The following XKR7 variants were observed in gnomAD, a reference collection of about 807,000 sequenced individuals.
XKR7 encodes the protein XK-related protein 7.
A neutral mutation model predicts 42.2 loss-of-function variants in XKR7; 11 were observed. The observed-to-expected ratio is 0.26, with a 90% CI of 0.16 to 0.43. XKR7 has a LOEUF of 0.43. Ranked by LOEUF, XKR7 falls within the 20% of genes least tolerant of loss-of-function variation. XKR7 has a pLI of 1.00. For synonymous variants in XKR7, 346 were observed against 366.4 expected, an observed-to-expected ratio of 0.94 and a Z score of 0.64; for missense variants, 710 against 802.2, an observed-to-expected ratio of 0.89 and a Z score of 1.39.
chr20:31,996,701 T>C lies in XKR7; in HGVS notation c.984T>C (p.Phe328=). The C allele has an allele frequency of 6.2e-7, 1 of 1,611,934 alleles. No homozygotes were observed. The highest frequency in any genetic ancestry group is 1.1e-5 in the South Asian group (1 of 90,796). The change falls in exon 3 of 3, where the codon TTT becomes TTC. Residue 328 remains phenylalanine, a synonymous_variant. Transcript: ENST00000562532. ...TCGCCAGCGTCTACAAGCTCTATTT[T>C]GGCATCTTCATCGTGGCCCACTGGT... is the stretch of plus-strand genomic sequence containing the variant. ...ALFASVYKLY[F]GIFIVAHWCV... is the part of the protein sequence containing the mutation.
At chr20:31,980,891 A>C (rs2064508920) in intron 1 of XKR7, among the ~76,000 whole-genome samples, 1 of 151,550 alleles carries the variant, frequency 6.6e-6, no homozygotes, top group African/African-American at 2.4e-5. Context: ...GAGAGACCTT[A>C]TCTCTACTAA....
At chr20:31,993,458 G>A (rs747597058) in intron 1 of XKR7, among the ~76,000 whole-genome samples, 4 of 152,176 alleles carry the variant, frequency 2.6e-5, no homozygotes, top group Non-Finnish European at 4.4e-5. Flanking sequence ...AGAGGGTCTT[G>A]CTCAAGATCA....
At position 32,003,291 on chromosome 20, in the gene XKR7, G is replaced by A. The variant is rs1409428972; in HGVS notation, c.*5834G>A. The A allele has an allele frequency of 6.6e-6, 1 of 152,166 alleles. No homozygotes were observed. The allele number at this position is 152,166 out of a possible 1,614,324, so 9.4% of individuals were successfully genotyped here. On this transcript the variant is annotated 3_prime_UTR_variant, in exon 3 of 3. Transcript: ENST00000562532. ...GGGAGGGGGAGGGGGCCCCGAGCTG[G>A]GGCCTCTTTACTGAGACTCTTTTGT...
Position 31,968,222 on chromosome 20 carries a change from C to G in XKR7, c.47C>G (p.Pro16Arg), listed in dbSNP as rs899205877. The G allele has an allele frequency of 1.7e-6, 2 of 1,160,114 alleles. No individual in the cohort carries two copies. Among genetic ancestry groups the G allele is most frequent in the African/African-American group, 1.6e-5 (1 of 61,670 alleles). 71.9% of individuals were successfully genotyped at this position (1,160,114 alleles called of 1,614,324 possible). A position where few individuals can be genotyped will look rare whatever the true frequency, so the allele number is the denominator to read the frequency against. Residue 16 changes from proline (P) to arginine (R), a missense_variant, in exon 1 of 3, where the codon CCG becomes CGG. Transcript: ENST00000562532. The surrounding 1 kb of genome is among the most constrained non-coding windows in gnomAD (Gnocchi z 4.5). Reference sequence around the variant, plus strand: ...GCGGCGGCCTCGGCCAGCCCGGACCCGGAGGGGGCTGCCGGTGGAGCCCGG... The same window carrying G: ...GCGGCGGCCTCGGCCAGCCCGGACCGGGAGGGGGCTGCCGGTGGAGCCCGG... ...DGAAASASPD[P>R]EGAAGGARGS...
chr20:31,982,729 T>G (rs1015394686), intron 1 of XKR7, among the ~76,000 whole-genome samples: 9 of 152,198 alleles, frequency 5.9e-5, no homozygotes, highest in African/African-American at 2.2e-4. Flanking sequence ...ATACTTGCCC[T>G]GTGAACCTGT....
Position 31,997,567 on chromosome 20 carries a change from T to C in XKR7, c.*110T>C. 1 of 1,085,372 alleles carries C rather than the reference T, an allele frequency of 9.2e-7. No homozygotes were observed. The highest frequency in any genetic ancestry group is 1.3e-6 in the Non-Finnish European group (1 of 775,018). 67.2% of individuals were successfully genotyped at this position (1,085,372 alleles called of 1,614,324 possible). A position where few individuals can be genotyped will look rare whatever the true frequency, so the allele number is the denominator to read the frequency against. ...GGCTAAGGGGGAGTGGATCTGTTGG[T>C]CCAAGGGTAGAGTGGCCCCACTCTT... On this transcript the variant is annotated 3_prime_UTR_variant, in exon 3 of 3. Transcript: ENST00000562532.
intron 1 of XKR7, among the ~76,000 whole-genome samples, chr20:31,972,914 T>C (rs778853178): frequency 1.6e-4 from 25 of 152,200 alleles, no homozygotes; most frequent in Non-Finnish European, 4.4e-5. Context: ...GGAAACTACA[T>C]TCTTGGCATA....
chr20:31,996,546 C>A lies in XKR7; in HGVS notation c.829C>A (p.Leu277Met). Residue 277 changes from leucine (L) to methionine (M), a missense_variant, in exon 3 of 3, where the codon CTG becomes ATG. Physicochemically the swap from Leu to Met is conservative, Grantham distance 15. This residue lies in a region of XKR7 where 708 missense variants were observed against 786.2 expected (regional missense o/e 0.90). Transcript: ENST00000562532. ...CTCCCTCGTGTCTCTGGCCTGGACG[C>A]TGGCCTCCTACCAGAAGGTGCTGCG... ...SASLVSLAWT[L>M]ASYQKVLRDS... The A allele has an allele frequency of 6.6e-7, 1 of 1,512,016 alleles. No homozygotes were observed. The allele number at this position is 1,512,016 out of a possible 1,614,324, so 93.7% of individuals were successfully genotyped here. A position where few individuals can be genotyped will look rare whatever the true frequency, so the allele number is the denominator to read the frequency against.
chr20:31,971,988 T>C (rs1033350004), intron 1 of XKR7, among the ~76,000 whole-genome samples: 3 of 152,240 alleles, frequency 2.0e-5, no homozygotes, highest in Non-Finnish European at 4.4e-5. Flanking sequence ...ATTAAAATGT[T>C]TAAAAATAGT....
intron 1 of XKR7, among the ~76,000 whole-genome samples, chr20:31,991,960 A>G (rs1294783236): frequency 2.6e-5 from 4 of 152,310 alleles, no homozygotes; most frequent in East Asian, 1.9e-4. Flanking sequence ...TCTACTAAAA[A>G]TACAAAATTA....
intron 1 of XKR7, among the ~76,000 whole-genome samples, chr20:31,988,576 A>G (rs1357480063): frequency 6.6e-6 from 1 of 152,160 alleles, no homozygotes; most frequent in African/African-American, 2.4e-5. Flanking sequence ...CTCTGAGCAC[A>G]AGACTGGGGG....
intron 1 of XKR7, among the ~76,000 whole-genome samples, chr20:31,994,669 G>A (rs2064582988): frequency 6.6e-6 from 1 of 152,166 alleles, no homozygotes; most frequent in Non-Finnish European, 1.5e-5. Context: ...TCGCACCACT[G>A]CACTCCAGCC....
At chr20:31,980,028 G>A (rs2064504339) in intron 1 of XKR7, among the ~76,000 whole-genome samples, 1 of 151,698 alleles carries the variant, frequency 6.6e-6, no homozygotes, top group Non-Finnish European at 1.5e-5. Flanking sequence ...GCAAAAGAGG[G>A]ACGCTGGCTG....
chr20:31,969,663 C>T (rs1414924602), intron 1 of XKR7, among the ~76,000 whole-genome samples: 1 of 152,182 alleles, frequency 6.6e-6, no homozygotes, highest in Non-Finnish European at 1.5e-5. Flanking sequence ...GGCAAGCCGC[C>T]CTCCTCCTTC....
rs746545706 is a variant in XKR7 at position 31,968,518 on chromosome 20, G to T, written c.343G>T (p.Asp115Tyr). The change falls in exon 1 of 3, where the codon GAC (aspartate) becomes TAC (tyrosine). Residue 115 changes from aspartate (D) to tyrosine (Y), a missense_variant. By Grantham distance (160) the Asp-to-Tyr change is radical. Transcript: ENST00000562532. This position sits in a 1 kb window ranked among gnomAD's most constrained non-coding sequence, Gnocchi z 4.5. ...ACTGAGCTTCCGCTGGTTCGTCTAC[G>T]ACTACTCGGAGCCCGCAGGGTCCCC... is the stretch of plus-strand genomic sequence containing the variant. ...QLLSFRWFVY[D>Y]YSEPAGSPGP... The T allele has an allele frequency of 1.9e-6, 3 of 1,611,232 alleles. No individual in the cohort carries two copies. The highest frequency in any genetic ancestry group is 1.3e-5 in the African/African-American group (1 of 74,854).
intron 1 of XKR7, among the ~76,000 whole-genome samples, chr20:31,993,935 G>A (rs2122279549): frequency 6.6e-6 from 1 of 152,314 alleles, no homozygotes; most frequent in South Asian, 2.1e-4. Context: ...GGTGTTTTAG[G>A]GAGAGGAAAC....
rs2064449342 is a variant in XKR7 at position 31,968,713 on chromosome 20, C to A, written c.538C>A (p.Leu180Met). Residue 180 changes from leucine to methionine, a missense_variant, in exon 1 of 3, where the codon CTG becomes ATG. Physicochemically the swap from Leu to Met is conservative, Grantham distance 15. Around this residue, in one of 2 missense-constraint regions of XKR7, gnomAD observed 708 missense variants for 786.2 expected, o/e 0.90. Coordinates refer to ENST00000562532, the MANE Select transcript of XKR7 (RefSeq NM_001011718.2). This position sits in a 1 kb window ranked among gnomAD's most constrained non-coding sequence, Gnocchi z 4.5. ...RRRCCRLCIW[L>M]LQTLVHLLQL... Reference sequence around the variant, plus strand: ...CCGCTGCTGCCGCCTCTGCATCTGGCTGCTGCAGACCCTCGTCCACCTCCT... The same window carrying A: ...CCGCTGCTGCCGCCTCTGCATCTGGATGCTGCAGACCCTCGTCCACCTCCT... The A allele has an allele frequency of 6.4e-7, 1 of 1,563,444 alleles. No homozygotes were observed. The highest frequency in any genetic ancestry group is 1.2e-5 in the South Asian group (1 of 85,912).
At position 31,968,538 on chromosome 20, in the gene XKR7, G is replaced by T; in HGVS notation, c.363G>T (p.Gly121=). 1 of 1,608,046 alleles carries T rather than the reference G, an allele frequency of 6.2e-7. No homozygotes were observed. Among genetic ancestry groups the T allele is most frequent in the Non-Finnish European group, 8.5e-7 (1 of 1,177,668 alleles). Residue 121 remains glycine (G), a synonymous_variant, in exon 1 of 3, where the codon GGG becomes GGT. Transcript: ENST00000562532. The surrounding 1 kb of genome is among the most constrained non-coding windows in gnomAD (Gnocchi z 4.5). ...WFVYDYSEPA[G]SPGPAVSTKD... Reference sequence around the variant, plus strand: ...TCTACGACTACTCGGAGCCCGCAGGGTCCCCGGGACCCGCCGTCAGCACCA... The same window carrying T: ...TCTACGACTACTCGGAGCCCGCAGGTTCCCCGGGACCCGCCGTCAGCACCA...
chr20:31,968,387 G>T lies in XKR7; in HGVS notation c.212G>T (p.Gly71Val). 1 of 1,613,166 alleles carries T rather than the reference G, an allele frequency of 6.2e-7. No homozygotes were observed. Residue 71 changes from glycine to valine, a missense_variant, in exon 1 of 3, where the codon GGT becomes GTT. Transcript: ENST00000562532. The surrounding 1 kb of genome is among the most constrained non-coding windows in gnomAD (Gnocchi z 4.5). ...LCALLVFFSD[G>V]ATDLWLAASY... ...GCGCTGCTCGTGTTCTTCTCCGACG[G>T]TGCCACGGACCTGTGGCTGGCGGCC...
Sources: allele counts gnomAD v4.1 joint callset (sites outside exome capture counted in the v4.1 genomes callset), GRCh38; gene constraint gnomAD v4.1.1; regional missense constraint gnomAD v4.1.1; non-coding constraint Gnocchi (gnomAD v3.1); transcripts MANE v1.5; gene names NCBI Gene and HGNC (gene_info 2026-07-23, HGNC 2026-07-21).